SPOCK3: variants seen among roughly 807,000 people sequenced by gnomAD.
The protein encoded by SPOCK3 is SPARC (osteonectin), cwcv and kazal like domains proteoglycan 3.
SPOCK3 carries 30 observed loss-of-function variants against 56.6 expected under a neutral mutation model. The observed-to-expected ratio is 0.53, with a 90% CI of 0.40 to 0.72. The LOEUF (loss-of-function observed/expected upper bound fraction) is 0.72. Ranked by LOEUF, SPOCK3 falls within the 30% of genes least tolerant of loss-of-function variation. The pLI is 0.00. For synonymous variants in SPOCK3, 196 were observed against 183.3 expected, an observed-to-expected ratio of 1.07 and a Z score of -0.56; for missense variants, 527 against 530.0, an observed-to-expected ratio of 0.99 and a Z score of 0.06.
chr4:166,812,044 C>T (rs1457375175), intron 6 of SPOCK3, among the ~76,000 whole-genome samples: 1 of 151,756 alleles, frequency 6.6e-6, no homozygotes, highest in East Asian at 1.9e-4. Context: ...TTAATCGGAA[C>T]ATTAAAGAAT....
intron 2 of SPOCK3, among the ~76,000 whole-genome samples, chr4:167,233,122 A>G (rs112976140): frequency 0.016 from 2,464 of 152,324 alleles, 37 homozygotes; most frequent in African/African-American, 0.026. Context: ...TGGGACAACC[A>G]AATTCAAGGC....
chr4:166,961,704 G>T (rs1042967601), intron 4 of SPOCK3, among the ~76,000 whole-genome samples: 5 of 152,054 alleles, frequency 3.3e-5, no homozygotes, highest in African/African-American at 7.2e-5. Flanking sequence ...CCAAAAGATA[G>T]TTTCCGGGAC....
intron 2 of SPOCK3, among the ~76,000 whole-genome samples, chr4:167,198,288 A>T (rs986423653): frequency 1.2e-4 from 18 of 152,180 alleles, no homozygotes; most frequent in African/African-American, 4.1e-4. Flanking sequence ...TTCCTGTCAC[A>T]ACCCCCAAAG....
At chr4:167,196,501 T>C (rs537264063) in intron 2 of SPOCK3, among the ~76,000 whole-genome samples, 7 of 152,016 alleles carry the variant, frequency 4.6e-5, no homozygotes, top group African/African-American at 1.7e-4. Context: ...AGCTGCATTC[T>C]TTTCTTTCTT....
chr4:167,000,611 T>C (rs1748852767), intron 3 of SPOCK3, 148 bp from the exon 4 acceptor site: 2 of 533,840 alleles, frequency 3.7e-6, no homozygotes, highest in Non-Finnish European at 6.6e-6. Flanking sequence ...AAACTTCTGC[T>C]TCTACCCACA....
chr4:167,212,242 C>CT (rs879402125), intron 2 of SPOCK3, among the ~76,000 whole-genome samples: 97 of 146,284 alleles, frequency 6.6e-4, no homozygotes, highest in Middle Eastern at 7.1e-3. Flanking sequence ...AAAAGATTTA[C>CT]TTTTTTTTTT....
chr4:166,849,673 T>C (rs557967957), intron 6 of SPOCK3, among the ~76,000 whole-genome samples: 3 of 152,322 alleles, frequency 2.0e-5, no homozygotes, highest in South Asian at 4.1e-4. Context: ...TACATTCACA[T>C]TGTTGTATAA....
At chr4:166,739,039 T>C (rs7655613) in intron 9 of SPOCK3, among the ~76,000 whole-genome samples, 121,749 of 151,544 alleles carry the variant, frequency 0.8, 49,158 homozygotes, top group African/African-American at 0.84. Flanking sequence ...CCTGAGGAAT[T>C]GCCACACTGA....
At chr4:166,896,929 G>C (rs2127036770) in intron 5 of SPOCK3, among the ~76,000 whole-genome samples, 1 of 152,086 alleles carries the variant, frequency 6.6e-6, no homozygotes, top group East Asian at 1.9e-4. Flanking sequence ...TTCACCAACT[G>C]GGGGGCCCCT....
At chr4:166,982,733 A>G (rs1424450381) in intron 4 of SPOCK3, among the ~76,000 whole-genome samples, 1 of 152,198 alleles carries the variant, frequency 6.6e-6, no homozygotes, top group Non-Finnish European at 1.5e-5. Context: ...TATACCTTTG[A>G]GTCACTAAAT....
intron 4 of SPOCK3, among the ~76,000 whole-genome samples, chr4:166,948,641 T>A (rs923706559): frequency 4.6e-5 from 7 of 152,196 alleles, no homozygotes; most frequent in Non-Finnish European, 1.0e-4. Context: ...TTTTCATATA[T>A]CTGTTGGCCA....
intron 6 of SPOCK3, among the ~76,000 whole-genome samples, chr4:166,878,252 C>G (rs1349770246): frequency 1.3e-5 from 2 of 152,122 alleles, no homozygotes; most frequent in Admixed American, 1.3e-4. Flanking sequence ...GCAATCCACC[C>G]TGGGCTACAG....
intron 2 of SPOCK3, among the ~76,000 whole-genome samples, chr4:167,153,305 C>A (rs937562710): frequency 6.6e-6 from 1 of 152,106 alleles, no homozygotes; most frequent in Non-Finnish European, 1.5e-5. Flanking sequence ...AAGCAAAAAA[C>A]CATGGGAATA....
At chr4:167,014,129 T>A (rs1579997459) in intron 3 of SPOCK3, among the ~76,000 whole-genome samples, 1 of 152,134 alleles carries the variant, frequency 6.6e-6, no homozygotes, top group Non-Finnish European at 1.5e-5. Context: ...TCTACTGAGC[T>A]CCTCCTGGAG....
chr4:166,881,411 GTACA>G (rs1361120844), intron 6 of SPOCK3, among the ~76,000 whole-genome samples: 1 of 151,790 alleles, frequency 6.6e-6, no homozygotes, highest in African/African-American at 2.4e-5. Context: ...GCATAGAATT[GTACA>G]TACAGTGTCT....
intron 7 of SPOCK3, among the ~76,000 whole-genome samples, chr4:166,791,821 T>C (rs1228574522): frequency 6.6e-6 from 1 of 152,172 alleles, no homozygotes; most frequent in Non-Finnish European, 1.5e-5. Flanking sequence ...GGGAGTTCTG[T>C]TGTATTCTTT....
chr4:166,871,484 C>T (rs1186500338), intron 6 of SPOCK3, among the ~76,000 whole-genome samples: 2 of 152,018 alleles, frequency 1.3e-5, no homozygotes, highest in Non-Finnish European at 2.9e-5. Context: ...TTGGCAGACT[C>T]AAACCACCAA....
intron 3 of SPOCK3, among the ~76,000 whole-genome samples, chr4:167,000,812 A>G (rs1175054471): frequency 6.6e-6 from 1 of 152,208 alleles, no homozygotes; most frequent in Non-Finnish European, 1.5e-5. Context: ...ATTTTATGAC[A>G]GTGGAAAACT....
chr4:167,159,315 A>G (rs1176980042), intron 2 of SPOCK3, among the ~76,000 whole-genome samples: 2 of 152,020 alleles, frequency 1.3e-5, no homozygotes. Flanking sequence ...AAAATATGGC[A>G]TCTTGGAACC....
Sources: allele counts gnomAD v4.1 joint callset (sites outside exome capture counted in the v4.1 genomes callset), GRCh38; gene constraint gnomAD v4.1.1; transcripts MANE v1.5; gene names NCBI Gene and HGNC (gene_info 2026-07-23, HGNC 2026-07-21).